PKD1L1: variants seen among roughly 807,000 people sequenced by gnomAD.
PKD1L1 encodes the protein polycystin 1 like 1, transient receptor potential channel interacting.
In PKD1L1, 236 loss-of-function variants were observed where a neutral mutation model predicts 323.4. The observed-to-expected ratio is 0.73, with a 90% CI of 0.66 to 0.81. The LOEUF is 0.81. Ranked by LOEUF, PKD1L1 falls within the 40% of genes least tolerant of loss-of-function variation. The probability of loss-of-function intolerance (pLI) is 0.00; values close to 1 mark genes in which losing one functional copy is unlikely to be tolerated. For missense variants in PKD1L1, 3,320 were observed against 3,508.0 expected, an observed-to-expected ratio of 0.95 and a Z score of 1.35; for synonymous variants, 1,344 against 1,335.0, an observed-to-expected ratio of 1.01 and a Z score of -0.15.
rs185202994 is a variant in PKD1L1 at position 47,847,741 on chromosome 7, T to C, written c.4961-670A>G. On this transcript the variant is annotated intron_variant, in intron 31 of 56. Transcript: ENST00000289672. ...AACATTAGCAAATCAGATATCTAAA[T>C]ATGAAAGAAAAAACAAAAACAAACT... Among the ~76,000 whole-genome samples the C allele has an allele frequency of 3.4e-3, 520 of 152,110 alleles. 3 individuals carry two copies. Among genetic ancestry groups the C allele is most frequent in the African/African-American group, 9.7e-3 (401 of 41,502 alleles).
chr7:47,931,181 C>T lies in PKD1L1; in HGVS notation c.660G>A (p.Lys220=). ...PGTVTMETPT[K]VARPTQTSSQ... is the part of the protein sequence containing the mutation. The stretch of plus-strand genomic sequence containing the variant: ...AGCTGGTCTGAGTGGGTCTGGCCAC[C>T]TTGGTGGGGGTCTCCATCGTGACAG... Residue 220 remains lysine (K), a synonymous_variant, in exon 6 of 57, where the codon AAG becomes AAA. Transcript: ENST00000289672. 1 of 1,614,188 alleles carries T rather than the reference C, an allele frequency of 6.2e-7. No homozygotes were observed. The highest frequency in any genetic ancestry group is 8.5e-7 in the Non-Finnish European group (1 of 1,180,032).
At chr7:47,847,130 C>T in intron 31 of PKD1L1, 59 bp from the exon 32 acceptor site, 1 of 1,377,606 alleles carries the variant, frequency 7.3e-7, no homozygotes. Flanking sequence ...AGGCATTCTC[C>T]ATTTCAAACG....
At chr7:47,829,693 G>C (rs1012360967) in intron 43 of PKD1L1, 92 bp from the exon 44 acceptor site, 19 of 1,311,654 alleles carry the variant, frequency 1.4e-5, no homozygotes, top group Non-Finnish European at 1.9e-5. Context: ...TCATGAACAG[G>C]ACTCCATCTC....
At chr7:47,885,480 T>A (rs1786661161) in intron 18 of PKD1L1, among the ~76,000 whole-genome samples, 2 of 151,992 alleles carry the variant, frequency 1.3e-5, no homozygotes, top group Non-Finnish European at 2.9e-5. Flanking sequence ...CTGCCATGGG[T>A]TTGTCATTTT....
At chr7:47,927,489 C>G (rs1293997687) in intron 7 of PKD1L1, among the ~76,000 whole-genome samples, 2 of 152,150 alleles carry the variant, frequency 1.3e-5, no homozygotes, top group African/African-American at 2.4e-5. Flanking sequence ...TGGTCTCGAA[C>G]TCTTGACCTC....
chr7:47,829,288 A>G, intron 44 of PKD1L1, 137 bp downstream of exon 44: 1 of 820,018 alleles, frequency 1.2e-6, no homozygotes, highest in Non-Finnish European at 1.8e-6. Context: ...GCAAAGAAGC[A>G]TAAGAAATTA....
Position 47,774,662 on chromosome 7 carries a change from G to A in PKD1L1, c.*481C>T, listed in dbSNP as rs1393452007. On this transcript the variant is annotated 3_prime_UTR_variant, in exon 57 of 57. Transcript: ENST00000289672. ...ATTGAATTAGTAAATCAGGAAAGAT[G>A]CGTTATTAATCTAGCAAGATTCAAT... is the stretch of plus-strand genomic sequence containing the variant. 3 of 152,440 alleles carry A rather than the reference G, an allele frequency of 2.0e-5. No individual in the cohort carries two copies. Among genetic ancestry groups the A allele is most frequent in the Non-Finnish European group, 2.9e-5 (2 of 68,254 alleles). 9.4% of individuals were successfully genotyped at this position (152,440 alleles called of 1,614,324 possible).
chr7:47,851,831 C>G (rs747561813), intron 31 of PKD1L1, among the ~76,000 whole-genome samples: 1 of 151,646 alleles, frequency 6.6e-6, no homozygotes, highest in Non-Finnish European at 1.5e-5. Context: ...AAAAAAAAGT[C>G]TGAAAAAAAG....
chr7:47,855,262 C>T lies in PKD1L1; in HGVS notation c.4594G>A (p.Gly1532Ser), dbSNP rs1394778173. 3 of 1,611,028 alleles carry T rather than the reference C, an allele frequency of 1.9e-6. No homozygotes were observed. In the Admixed American group the frequency reaches 5.0e-5, roughly 27 times the overall value. ...TAGAGGTTGAGGCCCACAACTCCAC[C>T]AATCTTGGGGAACAAAGACCATCTC... ...YPGSQAPGQI[G>S]GVVGLNLYTC... is the part of the protein sequence containing the mutation. The change falls in exon 29 of 57, where the codon GGT (glycine) becomes AGT (serine). Residue 1532 changes from glycine to serine, a missense_variant. By Grantham distance (56) the Gly-to-Ser change is moderately conservative (BLOSUM62 0). Transcript: ENST00000289672.
chr7:47,922,528 G>A (rs559142126), intron 7 of PKD1L1, among the ~76,000 whole-genome samples: 145 of 151,072 alleles, frequency 9.6e-4, no homozygotes, highest in Middle Eastern at 3.5e-3. Context: ...CCGCCGCCCC[G>A]TCTGAGATGT....
At chr7:47,950,685 G>T (rs554099644), upstream of PKD1L1, among the ~76,000 whole-genome samples, 170 of 151,814 alleles carry the variant, frequency 1.1e-3, no homozygotes, top group African/African-American at 3.8e-3. Context: ...ACTCCAGCCT[G>T]GGCAATGAGC....
intron 1 of PKD1L1, among the ~76,000 whole-genome samples, chr7:47,948,104 C>T (rs1173215448): frequency 6.6e-6 from 1 of 152,188 alleles, no homozygotes; most frequent in Admixed American, 6.5e-5. Context: ...GCAGAAAGTC[C>T]TCGAACTTGG....
intron 28 of PKD1L1, 137 bp downstream of exon 28, chr7:47,857,468 C>T: frequency 1.5e-6 from 1 of 686,586 alleles, no homozygotes; most frequent in Non-Finnish European, 2.5e-6. Context: ...AGTGATCCCT[C>T]TTGGCACTGA....
Position 47,821,056 on chromosome 7 carries a change from G to A in PKD1L1, c.6965+20C>T. ...TAGTGCAATGGCCCCAGATCTGGAA[G>A]AGTTACCCAAACCTCCTACCTTGTA... On this transcript the variant is annotated intron_variant, in intron 46 of 56. Coordinates refer to ENST00000289672, the MANE Select transcript of PKD1L1 (RefSeq NM_138295.5). The A allele has an allele frequency of 6.8e-7, 1 of 1,470,386 alleles. No homozygotes were observed. Among genetic ancestry groups the A allele is most frequent in the Non-Finnish European group, 9.5e-7 (1 of 1,049,588 alleles). The allele number at this position is 1,470,386 out of a possible 1,614,324, so 91.1% of individuals were successfully genotyped here. A position where few individuals can be genotyped will look rare whatever the true frequency, so the allele number is the denominator to read the frequency against.
intron 27 of PKD1L1, 90 bp from the exon 28 acceptor site, chr7:47,857,922 T>A: frequency 8.0e-7 from 1 of 1,255,076 alleles, no homozygotes; most frequent in Non-Finnish European, 1.1e-6. Context: ...GAAAAGTAGT[T>A]AAAAAGCCCA....
chr7:47,836,867 G>C, intron 37 of PKD1L1, 54 bp downstream of exon 37: 1 of 1,552,604 alleles, frequency 6.4e-7, no homozygotes, highest in South Asian at 1.2e-5. Context: ...GCAAAAAGGG[G>C]CCACAGTGTA....
At chr7:47,955,981 G>T in the PKD1L1 span, among the ~76,000 whole-genome samples, 1,159 of 152,282 alleles carry the variant, frequency 7.6e-3, 21 homozygotes, top group African/African-American at 0.026. Context: ...ATTACAATCC[G>T]TATGAAAGTA....
chr7:47,872,725 T>C (rs977605547), intron 24 of PKD1L1, among the ~76,000 whole-genome samples: 1 of 152,190 alleles, frequency 6.6e-6, no homozygotes, highest in Non-Finnish European at 1.5e-5. Context: ...AGAACTCTCA[T>C]ACCTCGTTAG....
rs754348802 is a variant in PKD1L1, at chr7:47,858,695, G to C, written c.4340C>G (p.Thr1447Arg). ...EEVYRHEEGITVISDLLLGCL... is the reference protein window; with the variant it reads ...EEVYRHEEGIRVISDLLLGCL... ...TACCAACAATAAATCTGAGATGACT[G>C]TAATTCCTTCTTCATGTCGATAGAC... The change falls in exon 27 of 57, where the codon ACA becomes AGA. Residue 1447 changes from threonine to arginine, a missense_variant. Thr to Arg is a moderately conservative substitution (Grantham distance 71). Transcript: ENST00000289672. The C allele has an allele frequency of 6.2e-7, 1 of 1,613,362 alleles. No homozygotes were observed. Among genetic ancestry groups the C allele is most frequent in the African/African-American group, 1.3e-5 (1 of 75,032 alleles).
Sources: allele counts gnomAD v4.1 joint callset (sites outside exome capture counted in the v4.1 genomes callset), GRCh38; gene constraint gnomAD v4.1.1; transcripts MANE v1.5; gene names NCBI Gene and HGNC (gene_info 2026-07-23, HGNC 2026-07-21).